IFT172: variants seen among roughly 807,000 people sequenced by gnomAD.
The protein encoded by IFT172 is intraflagellar transport protein 172 homolog.
IFT172 carries 164 observed loss-of-function variants against 248.9 expected under a neutral mutation model. That is an observed-to-expected ratio of 0.66 (90% CI 0.58 to 0.75). The LOEUF is 0.75. IFT172 is among the 30% of genes least tolerant of loss of function. The pLI, the probability that IFT172 is intolerant of heterozygous loss-of-function variation, is 0.00. For synonymous variants in IFT172, 729 were observed against 791.6 expected, an observed-to-expected ratio of 0.92 and a Z score of 1.33; for missense variants, 1,950 against 2,192.4, an observed-to-expected ratio of 0.89 and a Z score of 2.21.
intron 18 of IFT172, 32 bp from the exon 19 acceptor site, chr2:27,463,213 A>T (rs1322379802): frequency 6.4e-7 from 1 of 1,566,124 alleles, no homozygotes; most frequent in Non-Finnish European, 8.8e-7. Context: ...ATTAATAGTA[A>T]TATTATTATA....
At chr2:27,482,172 G>A (rs1668432968) in intron 7 of IFT172, among the ~76,000 whole-genome samples, 2 of 151,526 alleles carry the variant, frequency 1.3e-5, no homozygotes, top group Admixed American at 6.6e-5. Context: ...TAGTAGAGAC[G>A]GGGTTTCACC....
chr2:27,457,654 C>T lies in IFT172; in HGVS notation c.3213G>A (p.Trp1071Ter). ...AACTCCTTACCCTGTAGGCCTCTTCCCAAAGCCCACTGGCCCGGTACATGT... is the reference window on the plus strand; with the variant it reads ...AACTCCTTACCCTGTAGGCCTCTTCTCAAAGCCCACTGGCCCGGTACATGT... ...TVNMYRASGLWEEAYRVARTQ... is the reference protein window; with the variant it reads ...TVNMYRASGL The change falls in exon 29 of 48, where the codon TGG becomes TGA. Residue 1071 changes from tryptophan to a stop codon, truncating the protein, a stop_gained. Transcript: ENST00000260570. LOFTEE classifies it high-confidence loss of function. The T allele has an allele frequency of 1.2e-6, 2 of 1,614,090 alleles. No individual in the cohort carries two copies. Among genetic ancestry groups the T allele is most frequent in the Non-Finnish European group, 1.7e-6 (2 of 1,180,006 alleles).
intron 18 of IFT172, among the ~76,000 whole-genome samples, chr2:27,464,752 G>A (rs1054370769): frequency 1.3e-5 from 2 of 151,842 alleles, no homozygotes; most frequent in East Asian, 1.9e-4. Context: ...TGAATAGCTG[G>A]GACCACAGGT....
chr2:27,472,107 G>A, intron 15 of IFT172, 143 bp downstream of exon 15: 1 of 674,022 alleles, frequency 1.5e-6, no homozygotes, highest in Non-Finnish European at 2.7e-6. Context: ...TACAGAGAAT[G>A]TTGATTCTTC....
At chr2:27,458,102 A>T in intron 27 of IFT172, 24 bp downstream of exon 27, 1 of 1,611,178 alleles carries the variant, frequency 6.2e-7, no homozygotes, top group Non-Finnish European at 8.5e-7. Flanking sequence ...CTCCCTCTAC[A>T]CCTCCTCTGG....
At chr2:27,489,116 T>C (rs192725247) in intron 1 of IFT172, among the ~76,000 whole-genome samples, 85 of 152,306 alleles carry the variant, frequency 5.6e-4, no homozygotes, top group African/African-American at 1.9e-3. Flanking sequence ...AAAGTAGTGG[T>C]GGAGCTAGGA....
At chr2:27,483,217 G>A (rs1261394365) in intron 7 of IFT172, 72 bp downstream of exon 7, 1 of 867,404 alleles carries the variant, frequency 1.2e-6, no homozygotes, top group South Asian at 1.4e-5. Flanking sequence ...GGGTTTCACT[G>A]TGTTGCCCAT....
chr2:27,455,697 CGA>C (rs759796164), intron 30 of IFT172: 5 of 312,384 alleles, frequency 1.6e-5, no homozygotes, highest in East Asian at 1.1e-4. Flanking sequence ...GGCAACAGAG[CGA>C]GACTCTGTCT....
In IFT172 at chr2:27,454,191, C is replaced by T. The variant is rs1665963575; in HGVS notation, c.3531-29G>A. 6.2e-7 allele frequency: 1 copy of T among 1,607,004 alleles called. No homozygotes were observed. The highest frequency in any genetic ancestry group is 2.2e-5 in the East Asian group (1 of 44,786). On this transcript the variant is annotated intron_variant, in intron 32 of 47. Transcript: ENST00000260570. The surrounding 1 kb of genome is among the most constrained non-coding windows in gnomAD (Gnocchi z 4.2). ...CCTCCAGGTGGGGACAGAGGAGAGA[C>T]TGAGTATAGGACTGAGGCCCCAATA...
In IFT172 at chr2:27,471,097, T is replaced by C. The variant is rs1553333134; in HGVS notation, c.1525-2A>G. On this transcript the variant is annotated splice_acceptor_variant, in intron 15 of 47. Transcript: ENST00000260570. LOFTEE classifies it high-confidence loss of function. The stretch of plus-strand genomic sequence containing the variant: ...GCTTTCAATATCATACAGATGCAAC[T>C]GAAGAAAGAAAAGGCAGGTAACACA... 5 of 1,604,000 alleles carry C rather than the reference T, an allele frequency of 3.1e-6. No homozygotes were observed. The highest frequency in any genetic ancestry group is 3.4e-6 in the Non-Finnish European group (4 of 1,177,624).
At chr2:27,463,398 A>C (rs1241115147) in intron 18 of IFT172, among the ~76,000 whole-genome samples, 1 of 152,214 alleles carries the variant, frequency 6.6e-6, no homozygotes, top group Non-Finnish European at 1.5e-5. Flanking sequence ...ATAATAAAAA[A>C]TAAAATAAAG....
In IFT172 at chr2:27,476,727, C is replaced by T. The variant is rs781527567; in HGVS notation, c.1326-1G>A. ...CTGACACCTCTCATTAATACGAACA[C>T]TGAAACATGAAGGGTGAGGTAAGGC... On this transcript the variant is annotated splice_acceptor_variant, in intron 13 of 47. Coordinates refer to ENST00000260570, the MANE Select transcript of IFT172 (RefSeq NM_015662.3). LOFTEE classifies it high-confidence loss of function. 6.2e-7 allele frequency: 1 copy of T among 1,610,964 alleles called. No individual in the cohort carries two copies. The highest frequency in any genetic ancestry group is 1.7e-5 in the Admixed American group (1 of 59,974).
chr2:27,482,254 A>T (rs1156623646), intron 7 of IFT172, among the ~76,000 whole-genome samples: 1 of 151,646 alleles, frequency 6.6e-6, no homozygotes, highest in Non-Finnish European at 1.5e-5. Flanking sequence ...AAGTGCTGGG[A>T]TTACAGGAGT....
chr2:27,449,062 A>C, intron 39 of IFT172, 31 bp from the exon 40 acceptor site: 1 of 1,332,830 alleles, frequency 7.5e-7, no homozygotes, highest in Non-Finnish European at 1.1e-6. Flanking sequence ...AGCATGAGTG[A>C]GGCTGGGATC....
intron 41 of IFT172, 67 bp from the exon 42 acceptor site, chr2:27,447,701 C>T (rs1665273807): frequency 1.2e-6 from 2 of 1,612,212 alleles, no homozygotes; most frequent in African/African-American, 2.7e-5. Flanking sequence ...AGAGTGGTCT[C>T]TGATAGCCAC....
At position 27,481,211 on chromosome 2, in the gene IFT172, G is replaced by A; in HGVS notation, c.620C>T (p.Thr207Ile). The stretch of plus-strand genomic sequence containing the variant: ...ACAGCCTGCAGCCACGATGCTATTG[G>A]TTGCCCATGCCAAGGCATAGGGTGG... The part of the protein sequence containing the change: ...PCPPYALAWA[T>I]NSIVAAGCDR... The change falls in exon 8 of 48, where the codon ACC (threonine) becomes ATC (isoleucine). Residue 207 changes from threonine (T) to isoleucine (I), a missense_variant. By Grantham distance (89) the Thr-to-Ile change is moderately conservative. Transcript: ENST00000260570. 6.2e-7 allele frequency: 1 copy of A among 1,612,712 alleles called. No homozygotes were observed.
Position 27,447,592 on chromosome 2 carries a change from G to A in IFT172, c.4582C>T (p.His1528Tyr). ...AGCAGCATCGTCTTGAACTCCTCAT[G>A]GGCTGGAGAGTTTGCCTCACTGGAC... Reference protein sequence around the residue: ...VKSSEANSPAHEEFKTMLLIA... With the variant: ...VKSSEANSPAYEEFKTMLLIA... The change falls in exon 42 of 48, where the codon CAT becomes TAT. Residue 1528 changes from histidine to tyrosine, a missense_variant. Physicochemically the swap from His to Tyr is moderately conservative, Grantham distance 83 (BLOSUM62 2). This residue lies in a region of IFT172 where 620 missense variants were observed against 699.0 expected (regional missense o/e 0.89). Transcript: ENST00000260570. The A allele has an allele frequency of 1.2e-6, 2 of 1,614,170 alleles. No homozygotes were observed. The highest frequency in any genetic ancestry group is 1.7e-6 in the Non-Finnish European group (2 of 1,180,038).
intron 14 of IFT172, among the ~76,000 whole-genome samples, chr2:27,473,240 G>A (rs188989701): frequency 5.3e-4 from 80 of 150,212 alleles, no homozygotes; most frequent in Admixed American, 3.9e-3. Flanking sequence ...CGTGGTGGCT[G>A]GCACCTGTAG....
At chr2:27,450,829 T>A (rs946089052) in intron 35 of IFT172, among the ~76,000 whole-genome samples, 2 of 152,140 alleles carry the variant, frequency 1.3e-5, no homozygotes, top group Non-Finnish European at 2.9e-5. Context: ...GATCCTCAAG[T>A]GATCTGCCCA....
Sources: allele counts gnomAD v4.1 joint callset (sites outside exome capture counted in the v4.1 genomes callset), GRCh38; gene constraint gnomAD v4.1.1; regional missense constraint gnomAD v4.1.1; non-coding constraint Gnocchi (gnomAD v3.1); transcripts MANE v1.5; gene names NCBI Gene and HGNC (gene_info 2026-07-23, HGNC 2026-07-21).